Variants in SYT9 observed in about 807,000 individuals in gnomAD.
The protein encoded by SYT9 is synaptotagmin 9.
In SYT9, 22 loss-of-function variants were observed where a neutral mutation model predicts 48.4. That is an observed-to-expected ratio of 0.45 (90% CI 0.32 to 0.65). The LOEUF is 0.65. Ranked by LOEUF, SYT9 falls within the 30% of genes least tolerant of loss-of-function variation. The pLI is 0.03. For missense variants in SYT9, 577 were observed against 622.0 expected, an observed-to-expected ratio of 0.93 and a Z score of 0.77; for synonymous variants, 265 against 245.0, an observed-to-expected ratio of 1.08 and a Z score of -0.76.
chr11:7,317,782 C>T (rs1159727129), intron 3 of SYT9, among the ~76,000 whole-genome samples: 1 of 152,172 alleles, frequency 6.6e-6, no homozygotes, highest in African/African-American at 2.4e-5. Flanking sequence ...TATGCACAAC[C>T]TGTTTCTGGA....
In SYT9 at chr11:7,420,490, T is replaced by G; in HGVS notation, c.1338-16T>G. The G allele has an allele frequency of 6.2e-7, 1 of 1,613,368 alleles. No individual in the cohort carries two copies. The highest frequency in any genetic ancestry group is 8.5e-7 in the Non-Finnish European group (1 of 1,179,602). ...CCAAAATTTTAAGAAAAAACTATTG[T>G]GGGCCATTTTCACAGTGTAGGTCAC... is the stretch of plus-strand genomic sequence containing the variant. On this transcript the variant is annotated splice_polypyrimidine_tract_variant and intron_variant, in intron 5 of 6. Transcript: ENST00000318881.
At chr11:7,407,412 C>G (rs1847042937) in intron 3 of SYT9, among the ~76,000 whole-genome samples, 1 of 38,320 alleles carries the variant, frequency 2.6e-5, no homozygotes, top group Non-Finnish European at 4.2e-5. Flanking sequence ...CTCGCTCTGT[C>G]GCCCAGGCCG....
chr11:7,292,180 A>G (rs1848707068), intron 1 of SYT9, among the ~76,000 whole-genome samples: 2 of 152,230 alleles, frequency 1.3e-5, no homozygotes, highest in African/African-American at 2.4e-5. Flanking sequence ...GGTGATTATA[A>G]GCAGCCTTTT....
rs1485476063 is a variant in SYT9 at position 7,451,694 on chromosome 11, TCA to T, written c.1468-15095_1468-15094del. ...ATTTTGTTGGAACTATCCGGAAAAG[TCA>T]CATCTTTCCACTGGACTTGAAGCTG... On this transcript the variant is annotated intron_variant, in intron 6 of 6. Transcript: ENST00000318881. Among the ~76,000 whole-genome samples, 3 of 152,144 alleles carry T rather than the reference TCA, an allele frequency of 2.0e-5. No individual in the cohort carries two copies. The East Asian group carries it at 5.8e-4, about 29-fold the overall frequency.
chr11:7,432,585 ATATATACATAT>A lies in SYT9; in HGVS notation c.1467+11951_1467+11961del, dbSNP rs1847623014. Among the ~76,000 whole-genome samples, 26 of 2,652 alleles carry A rather than the reference ATATATACATAT, an allele frequency of 9.8e-3. 4 individuals are homozygous for A. The highest frequency in any genetic ancestry group is 0.062 in the South Asian group (3 of 48). 1.7% of individuals were successfully genotyped at this position (2,652 alleles called of 152,430 possible). A position where few individuals can be genotyped will look rare whatever the true frequency, so the allele number is the denominator to read the frequency against. On this transcript the variant is annotated intron_variant, in intron 6 of 6. Coordinates refer to ENST00000318881, the MANE Select transcript of SYT9 (RefSeq NM_175733.4). ...AAAAAAAAAAAAAAAAAAAAAAAAT[ATATATACATAT>A]ATATATATATATATATATATATATA...
intron 1 of SYT9, among the ~76,000 whole-genome samples, chr11:7,256,741 A>G (rs1180320527): frequency 6.6e-6 from 1 of 152,062 alleles, no homozygotes. Context: ...GTTATCCAGG[A>G]TACTGGTTTT....
intron 3 of SYT9, among the ~76,000 whole-genome samples, chr11:7,351,023 AT>A (rs1018726175): frequency 5.3e-5 from 8 of 152,176 alleles, no homozygotes; most frequent in African/African-American, 1.9e-4. Context: ...TGATGTCATG[AT>A]TTTGTCTTAA....
intron 1 of SYT9, among the ~76,000 whole-genome samples, chr11:7,239,664 G>A (rs1189465680): frequency 6.6e-6 from 1 of 152,152 alleles, no homozygotes; most frequent in Admixed American, 6.5e-5. Flanking sequence ...TTATTACAGG[G>A]TCCAGGCAGA....
chr11:7,271,477 T>C (rs1427726835), intron 1 of SYT9, among the ~76,000 whole-genome samples: 3 of 152,216 alleles, frequency 2.0e-5, no homozygotes, highest in Non-Finnish European at 4.4e-5. Context: ...GTCATGCATT[T>C]CCCTGGAGGG....
At chr11:7,396,618 A>AT (rs1846758009) in intron 3 of SYT9, among the ~76,000 whole-genome samples, 1 of 152,024 alleles carries the variant, frequency 6.6e-6, no homozygotes, top group African/African-American at 2.4e-5. Context: ...TAAGTGTGGG[A>AT]TTACTGGGTC....
At chr11:7,290,243 C>A (rs1461766867) in intron 1 of SYT9, among the ~76,000 whole-genome samples, 1 of 152,206 alleles carries the variant, frequency 6.6e-6, no homozygotes, top group Non-Finnish European at 1.5e-5. Context: ...TCAGGAGAGA[C>A]TCTTTTAAAG....
At chr11:7,363,948 A>G (rs1252043844) in intron 3 of SYT9, among the ~76,000 whole-genome samples, 5 of 152,192 alleles carry the variant, frequency 3.3e-5, no homozygotes, top group Admixed American at 6.5e-5. Context: ...GCTTTTAGAG[A>G]AATTTGGCCA....
chr11:7,447,924 T>C (rs68088287), intron 6 of SYT9, among the ~76,000 whole-genome samples: 19,674 of 152,028 alleles, frequency 0.13, 1,448 homozygotes, highest in Middle Eastern at 0.18. Flanking sequence ...AGTGTGCAAA[T>C]TCCTTCCTGA....
intron 1 of SYT9, among the ~76,000 whole-genome samples, chr11:7,281,038 T>G (rs779047478): frequency 6.6e-6 from 1 of 152,244 alleles, no homozygotes; most frequent in East Asian, 1.9e-4. Flanking sequence ...TTGATTCTTA[T>G]GAGCTTCTGT....
chr11:7,260,837 G>T (rs1848065235), intron 1 of SYT9, among the ~76,000 whole-genome samples: 3 of 152,148 alleles, frequency 2.0e-5, no homozygotes, highest in African/African-American at 7.2e-5. Flanking sequence ...TTAGTCATCT[G>T]GTTCAAACAT....
intron 1 of SYT9, among the ~76,000 whole-genome samples, chr11:7,275,910 C>G (rs1848380494): frequency 1.3e-5 from 2 of 152,330 alleles, no homozygotes; most frequent in Non-Finnish European, 2.9e-5. Context: ...GGCTTTATTT[C>G]TCTTCAGATC....
intron 3 of SYT9, among the ~76,000 whole-genome samples, chr11:7,385,574 A>G (rs1850642798): frequency 6.6e-6 from 1 of 152,156 alleles, no homozygotes; most frequent in Admixed American, 6.6e-5. Context: ...GGGTGACAAG[A>G]TAATCTGTAT....
Position 7,367,098 on chromosome 11 carries a change from T to TTTTTC in SYT9, c.1045-48944_1045-48943insTTTTC, listed in dbSNP as rs71056800. 4.6e-3 allele frequency among the ~76,000 whole-genome samples: 523 copies of TTTTTC among 112,990 alleles called. 66 individuals carry two copies. The highest frequency in any genetic ancestry group is 7.3e-3 in the Non-Finnish European group (403 of 55,296). 74.1% of individuals were successfully genotyped at this position (112,990 alleles called of 152,430 possible). ...TTTTTTTTTTTTTTTTTTTTTTTTTTCGAGACGGAGCCTCGCTCTGTCACC... is the reference window on the plus strand; with the variant it reads ...TTTTTTTTTTTTTTTTTTTTTTTTTTTTTTCCGAGACGGAGCCTCGCTCTGTCACC... On this transcript the variant is annotated intron_variant, in intron 3 of 6. Coordinates refer to ENST00000318881, the MANE Select transcript of SYT9 (RefSeq NM_175733.4).
intron 1 of SYT9, among the ~76,000 whole-genome samples, chr11:7,262,286 T>G (rs1305582603): frequency 6.6e-6 from 1 of 152,054 alleles, no homozygotes; most frequent in Non-Finnish European, 1.5e-5. Flanking sequence ...AGCAGCTCAG[T>G]TCTTGATGTG....
Sources: allele counts gnomAD v4.1 joint callset (sites outside exome capture counted in the v4.1 genomes callset), GRCh38; gene constraint gnomAD v4.1.1; transcripts MANE v1.5; gene names NCBI Gene and HGNC (gene_info 2026-07-23, HGNC 2026-07-21).